Variants in ETNK1 observed in about 807,000 individuals in gnomAD.
ETNK1 encodes the protein ethanolamine kinase 1, also known as putative protein product of Nbla10396.
Under a neutral mutation model 45.1 loss-of-function variants are expected in ETNK1, and 8 were observed. The ratio of observed to expected loss-of-function variants is 0.18; its 90% CI spans 0.10 to 0.32. The LOEUF (loss-of-function observed/expected upper bound fraction) is 0.32, where lower values mean the gene tolerates loss of function less well. ETNK1 is among the 10% of genes least tolerant of loss of function. The pLI is 1.00. For synonymous variants in ETNK1, 152 were observed against 151.9 expected, an observed-to-expected ratio of 1.00 and a Z score of -0.01; for missense variants, 302 against 430.6, an observed-to-expected ratio of 0.70 and a Z score of 2.64.
At chr12:22,632,216 A>G (rs898646130) in intron 1 of ETNK1, among the ~76,000 whole-genome samples, 8 of 152,268 alleles carry the variant, frequency 5.3e-5, no homozygotes, top group Admixed American at 2.6e-4. Flanking sequence ...TAGTTTTACT[A>G]AAAGGTTGTA....
intron 2 of ETNK1, chr12:22,656,633 A>G: frequency 5.1e-6 from 5 of 985,350 alleles, no homozygotes; most frequent in Non-Finnish European, 6.0e-6. Flanking sequence ...TCCAGCATGG[A>G]GCAGACGAGA....
intron 1 of ETNK1, among the ~76,000 whole-genome samples, chr12:22,628,971 G>C (rs1953539265): frequency 6.6e-6 from 1 of 152,018 alleles, no homozygotes; most frequent in South Asian, 2.1e-4. Flanking sequence ...TGCTAGTTTT[G>C]AGTCCAGATT....
At chr12:22,679,843 C>T (rs1015294688) in intron 6 of ETNK1, among the ~76,000 whole-genome samples, 13 of 151,866 alleles carry the variant, frequency 8.6e-5, no homozygotes, top group Non-Finnish European at 1.6e-4. Context: ...AGGCGTTTGC[C>T]GCCACACCCA....
At chr12:22,626,857 T>G (rs1412954672) in intron 1 of ETNK1, among the ~76,000 whole-genome samples, 1 of 152,222 alleles carries the variant, frequency 6.6e-6, no homozygotes, top group Non-Finnish European at 1.5e-5. Flanking sequence ...ATATATTTCC[T>G]TTAAAGGAAA....
intron 1 of ETNK1, among the ~76,000 whole-genome samples, chr12:22,637,914 A>G (rs924189328): frequency 2.0e-5 from 3 of 152,198 alleles, no homozygotes; most frequent in African/African-American, 7.2e-5. Flanking sequence ...TCAGTCTTAT[A>G]AGAAGTCTCA....
At chr12:22,629,450 A>G (rs1159154432) in intron 1 of ETNK1, among the ~76,000 whole-genome samples, 1 of 152,164 alleles carries the variant, frequency 6.6e-6, no homozygotes. Context: ...AGCAGTTTTC[A>G]TATCCTTCCT....
chr12:22,625,598 A>T lies in ETNK1; in HGVS notation c.156+12A>T, dbSNP rs1311836766. 1.9e-6 allele frequency: 3 copies of T among 1,564,780 alleles called. No individual in the cohort carries two copies. The highest frequency in any genetic ancestry group is 2.6e-6 in the Non-Finnish European group (3 of 1,156,414). On this transcript the variant is annotated intron_variant, in intron 1 of 7. Transcript: ENST00000266517. Reference sequence around the variant, plus strand: ...AGGTGACCCTGCAGGTAACGCCCACACCTCAGCTCTGGGTCTCTTATGCCC... The same window carrying T: ...AGGTGACCCTGCAGGTAACGCCCACTCCTCAGCTCTGGGTCTCTTATGCCC...
intron 5 of ETNK1, among the ~76,000 whole-genome samples, chr12:22,671,821 A>T (rs1399244148): frequency 6.7e-6 from 1 of 148,172 alleles, no homozygotes; most frequent in African/African-American, 2.5e-5. Context: ...CCTGGGCGAT[A>T]GAGCAAGACT....
intron 4 of ETNK1, among the ~76,000 whole-genome samples, chr12:22,667,807 A>G (rs1180501392): frequency 6.6e-6 from 1 of 152,180 alleles, no homozygotes; most frequent in East Asian, 1.9e-4. Context: ...TGTGATAATT[A>G]TATAGCCTTG....
chr12:22,625,559 C>A lies in ETNK1; in HGVS notation c.129C>A (p.His43Gln). 1 of 1,600,572 alleles carries A rather than the reference C, an allele frequency of 6.2e-7. No individual in the cohort carries two copies. Among genetic ancestry groups the A allele is most frequent in the Non-Finnish European group, 8.5e-7 (1 of 1,174,110 alleles). The change falls in exon 1 of 8, where the codon CAC becomes CAA. Residue 43 changes from histidine (H) to glutamine (Q), a missense_variant. His to Gln is a conservative substitution (Grantham distance 24, BLOSUM62 0). Around this residue, in one of 3 missense-constraint regions of ETNK1, gnomAD observed 205 missense variants for 259.9 expected, o/e 0.79. Transcript: ENST00000266517. The stretch of plus-strand genomic sequence containing the variant: ...GCCTCCTGCAACACCTGCGGCCTCA[C>A]TGGGACCCCCAGGAGGTGACCCTGC... ...ALSLLQHLRP[H>Q]WDPQEVTLQL...
At chr12:22,630,916 A>AT (rs1460863916) in intron 1 of ETNK1, among the ~76,000 whole-genome samples, 3 of 151,946 alleles carry the variant, frequency 2.0e-5, no homozygotes, top group Non-Finnish European at 4.4e-5. Context: ...TGGCCTGGAT[A>AT]TTTTTAAGCA....
At chr12:22,675,638 A>G (rs1167590933) in intron 6 of ETNK1, among the ~76,000 whole-genome samples, 1 of 152,218 alleles carries the variant, frequency 6.6e-6, no homozygotes, top group Non-Finnish European at 1.5e-5. Context: ...GACTACAGGC[A>G]TAAGCCCTAT....
chr12:22,679,533 A>G (rs1954193099), intron 6 of ETNK1, among the ~76,000 whole-genome samples: 1 of 152,120 alleles, frequency 6.6e-6, no homozygotes, highest in Non-Finnish European at 1.5e-5. Context: ...CCCAGAAACA[A>G]TACTTTCCTA....
chr12:22,672,530 A>C (rs1954119820), intron 5 of ETNK1, among the ~76,000 whole-genome samples: 1 of 152,208 alleles, frequency 6.6e-6, no homozygotes, highest in Non-Finnish European at 1.5e-5. Flanking sequence ...TGGAAGGGGA[A>C]CTAGCTGTGC....
chr12:22,632,093 A>G (rs1164912397), intron 1 of ETNK1, among the ~76,000 whole-genome samples: 3 of 144,958 alleles, frequency 2.1e-5, no homozygotes, highest in Non-Finnish European at 4.5e-5. Flanking sequence ...TTTTTTTTCT[A>G]ATTAACAAAA....
At chr12:22,625,846 G>T (rs1385716831) in intron 1 of ETNK1, 2 of 688,754 alleles carry the variant, frequency 2.9e-6, no homozygotes, top group Non-Finnish European at 5.3e-6. Flanking sequence ...CCCATCCACG[G>T]GGGGAGATTC....
At chr12:22,640,683 G>A (rs980457937) in intron 1 of ETNK1, among the ~76,000 whole-genome samples, 7 of 152,034 alleles carry the variant, frequency 4.6e-5, no homozygotes, top group Non-Finnish European at 8.8e-5. Context: ...TCAGAACAAT[G>A]CAAGAAGTAG....
At chr12:22,673,376 C>A in intron 5 of ETNK1, 124 bp from the exon 6 acceptor site, 2 of 592,472 alleles carry the variant, frequency 3.4e-6, no homozygotes, top group South Asian at 7.0e-5. Flanking sequence ...ACTTAACATG[C>A]AGTATTCCAG....
At chr12:22,664,321 T>G (rs1193602349) in intron 4 of ETNK1, among the ~76,000 whole-genome samples, 1 of 152,130 alleles carries the variant, frequency 6.6e-6, no homozygotes, top group East Asian at 1.9e-4. Flanking sequence ...CTAGTAGATA[T>G]AGGACTTAAT....
Sources: gnomAD v4.1 joint callset for allele counts (sites outside exome capture counted in the v4.1 genomes callset) on GRCh38, gnomAD v4.1.1 for gene constraint, gnomAD v4.1.1 regional missense constraint, MANE v1.5 for transcripts, NCBI Gene and HGNC (gene_info 2026-07-23, HGNC 2026-07-21) for gene names.